The following NCKAP5 variants were observed in gnomAD, a reference collection of about 807,000 sequenced individuals.
NCKAP5 encodes NCK associated protein 5.
In NCKAP5, 92 loss-of-function variants were observed where a neutral mutation model predicts 167.0. The ratio of observed to expected loss-of-function variants is 0.55; its 90% confidence interval spans 0.47 to 0.66. The LOEUF is 0.66. Among genes scored for constraint, NCKAP5 ranks in the 30% least tolerant of loss-of-function variants. NCKAP5 has a pLI of 0.00. For missense variants in NCKAP5, 2,378 were observed against 2,315.0 expected (o/e 1.03, Z -0.56); for synonymous variants, 891 against 877.4 (o/e 1.02, Z -0.27).
intron 5 of NCKAP5, among the ~76,000 whole-genome samples, chr2:133,153,794 T>C (rs895700641): frequency 3.3e-5 from 5 of 151,186 alleles, no homozygotes; most frequent in Admixed American, 3.3e-4. Context: ...GGTGAGTTCC[T>C]ATGCATCTTC....
At chr2:132,928,006 C>T (rs972840014) in intron 8 of NCKAP5, among the ~76,000 whole-genome samples, 1 of 152,120 alleles carries the variant, frequency 6.6e-6, no homozygotes, top group African/African-American at 2.4e-5. Context: ...TAAGTAAAAG[C>T]AAAATTTCTT....
At chr2:132,755,345 T>C (rs1021079523) in intron 16 of NCKAP5, among the ~76,000 whole-genome samples, 1 of 152,192 alleles carries the variant, frequency 6.6e-6, no homozygotes, top group Admixed American at 6.5e-5. Context: ...TTTCTCATCA[T>C]GTGTGAGGCT....
At chr2:132,871,342 G>T (rs527509780) in intron 9 of NCKAP5, among the ~76,000 whole-genome samples, 1 of 152,192 alleles carries the variant, frequency 6.6e-6, no homozygotes, top group South Asian at 2.1e-4. Context: ...CAAAACAGAA[G>T]AATCGAACTA....
chr2:133,098,268 G>A (rs2081403893), intron 6 of NCKAP5, among the ~76,000 whole-genome samples: 1 of 152,152 alleles, frequency 6.6e-6, no homozygotes, highest in Admixed American at 6.5e-5. Context: ...TTGTTAATGT[G>A]ACCAACGCCT....
the NCKAP5 span, among the ~76,000 whole-genome samples, chr2:133,617,942 G>T: frequency 6.6e-6 from 1 of 152,058 alleles, no homozygotes; most frequent in Non-Finnish European, 1.5e-5. Flanking sequence ...CATGGTACTG[G>T]TACCAAAACA....
intron 3 of NCKAP5, among the ~76,000 whole-genome samples, chr2:133,324,721 T>C (rs1029602306): frequency 1.3e-5 from 2 of 152,214 alleles, no homozygotes; most frequent in African/African-American, 2.4e-5. Flanking sequence ...AGTGCTTTTT[T>C]TTTTCTTTTC....
intron 6 of NCKAP5, among the ~76,000 whole-genome samples, chr2:132,996,471 T>C (rs759234777): frequency 6.6e-6 from 1 of 152,168 alleles, no homozygotes; most frequent in Admixed American, 6.5e-5. Context: ...CTCCATTTCA[T>C]CTTCCTATAT....
At position 132,785,440 on chromosome 2, in the gene NCKAP5, C is replaced by T; in HGVS notation, c.1371G>A (p.Leu457=). The T allele has an allele frequency of 6.2e-7, 1 of 1,613,790 alleles. No homozygotes were observed. The highest frequency in any genetic ancestry group is 8.5e-7 in the Non-Finnish European group (1 of 1,179,796). The part of the protein sequence containing the change: ...KEYPPCKTAD[L]GSPCKEPHKT... ...TGTGGGGTTCCTTGCAGGGGCTCCC[C>T]AGGTCAGCTGTTTTGCAGGGGGGAT... The change falls in exon 14 of 20, where the codon CTG becomes CTA. Residue 457 remains leucine, a synonymous_variant. Transcript: ENST00000409261.
At chr2:132,795,907 T>A (rs1558791002) in intron 12 of NCKAP5, among the ~76,000 whole-genome samples, 2 of 143,046 alleles carry the variant, frequency 1.4e-5, no homozygotes, top group East Asian at 2.0e-4. Context: ...ACTCCATACT[T>A]AAAAAAAAAA....
At chr2:133,518,339 A>C (rs113469958) in intron 2 of NCKAP5, among the ~76,000 whole-genome samples, 13,213 of 130,550 alleles carry the variant, frequency 0.1, 1,110 homozygotes, top group African/African-American at 0.22. Flanking sequence ...GGGTTACAGT[A>C]AAGGATTTTT....
At chr2:133,464,210 T>C (rs1692388783) in intron 3 of NCKAP5, among the ~76,000 whole-genome samples, 1 of 152,198 alleles carries the variant, frequency 6.6e-6, no homozygotes, top group Admixed American at 6.5e-5. Context: ...AAACACAGTA[T>C]TCTAAGATAA....
At chr2:133,354,867 C>T (rs1184123189) in intron 3 of NCKAP5, among the ~76,000 whole-genome samples, 1 of 152,070 alleles carries the variant, frequency 6.6e-6, no homozygotes, top group African/African-American at 2.4e-5. Context: ...GCTAAAATTA[C>T]CAGAATCATT....
chr2:132,896,372 G>A (rs978295846), intron 8 of NCKAP5, among the ~76,000 whole-genome samples: 3 of 152,204 alleles, frequency 2.0e-5, no homozygotes, highest in Non-Finnish European at 2.9e-5. Context: ...AAAACGAAGA[G>A]CACTAACAGA....
At chr2:133,429,147 G>C (rs958910818) in intron 3 of NCKAP5, among the ~76,000 whole-genome samples, 2 of 152,056 alleles carry the variant, frequency 1.3e-5, no homozygotes, top group African/African-American at 4.8e-5. Context: ...ATGCCATGTG[G>C]AATATTATAC....
rs1269659558 is a variant in NCKAP5, at chr2:133,468,224, T to C, written c.69+49234A>G. Among the ~76,000 whole-genome samples the C allele has an allele frequency of 4.3e-5, 6 of 140,178 alleles. 2 individuals carry two copies. The highest frequency in any genetic ancestry group is 1.4e-4 in the African/African-American group (5 of 36,346). The allele number at this position is 140,178 out of a possible 152,430, so 92.0% of individuals were successfully genotyped here. On this transcript the variant is annotated intron_variant, in intron 3 of 19. Transcript: ENST00000409261. ...TGGTATATTGTGTCTTTGTTCTAGTTGGTTTCAAAGAACATTTTTATTTCT... is the reference window on the plus strand; with the variant it reads ...TGGTATATTGTGTCTTTGTTCTAGTCGGTTTCAAAGAACATTTTTATTTCT...
the NCKAP5 span, among the ~76,000 whole-genome samples, chr2:133,627,494 G>T: frequency 6.6e-6 from 1 of 152,008 alleles, no homozygotes; most frequent in Non-Finnish European, 1.5e-5. Context: ...CATTTTTTAG[G>T]CCAGGCACAG....
the NCKAP5 span, among the ~76,000 whole-genome samples, chr2:133,608,427 GA>G: frequency 6.6e-6 from 1 of 152,246 alleles, no homozygotes; most frequent in Non-Finnish European, 1.5e-5. Context: ...TAGTCATTTA[GA>G]ATCAAGGGCA....
chr2:133,334,430 T>C (rs189430298), intron 3 of NCKAP5, among the ~76,000 whole-genome samples: 44 of 152,256 alleles, frequency 2.9e-4, no homozygotes, highest in African/African-American at 1.0e-3. Flanking sequence ...TCTTATTTAA[T>C]TGAAACTTCC....
chr2:133,240,448 C>T (rs1359892060), intron 4 of NCKAP5, among the ~76,000 whole-genome samples: 3 of 152,140 alleles, frequency 2.0e-5, no homozygotes, highest in African/African-American at 7.2e-5. Flanking sequence ...CCCTTGCATG[C>T]CCATCTCTGA....
Sources: gnomAD v4.1 joint callset for allele counts (sites outside exome capture counted in the v4.1 genomes callset) on GRCh38, gnomAD v4.1.1 for gene constraint, MANE v1.5 for transcripts, NCBI Gene and HGNC (gene_info 2026-07-23, HGNC 2026-07-21) for gene names.